The following NEB variants were observed in gnomAD, a reference collection of about 807,000 sequenced individuals.
The protein encoded by NEB is nemaline myopathy type 2.
A neutral mutation model predicts 952.2 loss-of-function variants in NEB; 512 were observed. The ratio of observed to expected loss-of-function variants is 0.54; its 90% CI spans 0.50 to 0.58. The LOEUF is 0.58. Ranked by LOEUF, NEB falls within the 20% of genes least tolerant of loss-of-function variation. The pLI is 0.00. For synonymous variants in NEB, 2,900 were observed against 3,149.8 expected, an observed-to-expected ratio of 0.92 and a Z score of 2.66; for missense variants, 8,428 against 9,231.1, an observed-to-expected ratio of 0.91 and a Z score of 3.56.
chr2:151,668,394 T>G (rs989951509), intron 39 of NEB, among the ~76,000 whole-genome samples: 1 of 152,152 alleles, frequency 6.6e-6, no homozygotes, highest in Non-Finnish European at 1.5e-5. Context: ...ATCTTTCCCC[T>G]TAATGAAACA....
At chr2:151,652,757 A>G (rs2099044666) in intron 52 of NEB, among the ~76,000 whole-genome samples, 1 of 152,246 alleles carries the variant, frequency 6.6e-6, no homozygotes, top group South Asian at 2.1e-4. Flanking sequence ...AAGTTCACTT[A>G]TAGTTCATTT....
intron 68 of NEB, among the ~76,000 whole-genome samples, chr2:151,628,686 CA>C (rs1176218850): frequency 1.3e-5 from 2 of 151,660 alleles, no homozygotes; most frequent in Non-Finnish European, 2.9e-5. Context: ...ACTAAAAATA[CA>C]AAAAATACTA....
chr2:151,497,393 T>A lies in NEB; in HGVS notation c.24300+233A>T, dbSNP rs969016551. On this transcript the variant is annotated intron_variant, in intron 171 of 181. Coordinates refer to ENST00000397345, the MANE Select transcript of NEB (RefSeq NM_001164508.2). ...ACACAAACTGAAAAACTCATTATTT[T>A]AAAAAAAAGATTGAAAATACCAGAT... The A allele has an allele frequency of 1.1e-4, 110 of 978,640 alleles. 1 individual carries two copies. The highest frequency in any genetic ancestry group is 1.1e-3 in the Middle Eastern group (2 of 1,904). 60.6% of individuals were successfully genotyped at this position (978,640 alleles called of 1,614,324 possible). A position where few individuals can be genotyped will look rare whatever the true frequency, so the allele number is the denominator to read the frequency against.
At chr2:151,674,454 C>T (rs529738646) in intron 36 of NEB, 23 bp downstream of exon 36, 2 of 1,586,900 alleles carry the variant, frequency 1.3e-6, no homozygotes, top group East Asian at 2.2e-5. Context: ...AACACCTAAA[C>T]TTCACCTAAA....
chr2:151,653,140 A>G (rs1244097686), intron 52 of NEB, among the ~76,000 whole-genome samples: 2 of 152,184 alleles, frequency 1.3e-5, no homozygotes, highest in Non-Finnish European at 2.9e-5. Flanking sequence ...CAACCTGCCT[A>G]TTAACCAAAT....
intron 3 of NEB, among the ~76,000 whole-genome samples, chr2:151,730,239 T>C (rs1016211821): frequency 2.6e-5 from 4 of 152,170 alleles, no homozygotes; most frequent in Admixed American, 2.0e-4. Flanking sequence ...ATAGTGTGAT[T>C]GTCCTAAACA....
intron 165 of NEB, among the ~76,000 whole-genome samples, chr2:151,503,713 A>G (rs916673775): frequency 6.6e-5 from 10 of 152,226 alleles, no homozygotes; most frequent in Admixed American, 2.0e-4. Context: ...TAAATTTACC[A>G]ATGAGAAAAA....
At chr2:151,634,865 T>C (rs2098727103) in intron 64 of NEB, among the ~76,000 whole-genome samples, 2 of 152,182 alleles carry the variant, frequency 1.3e-5, no homozygotes, top group Admixed American at 6.5e-5. Flanking sequence ...AATAAGGTCA[T>C]GGGTTCTAGC....
chr2:151,560,274 T>G (rs1380141938), intron 124 of NEB, among the ~76,000 whole-genome samples: 1 of 152,204 alleles, frequency 6.6e-6, no homozygotes, highest in African/African-American at 2.4e-5. Flanking sequence ...AAAGTCTATT[T>G]CTGTAAGGTG....
At chr2:151,500,479 A>G (rs937553458) in intron 168 of NEB, among the ~76,000 whole-genome samples, 111 of 152,194 alleles carry the variant, frequency 7.3e-4, no homozygotes, top group African/African-American at 2.6e-3. Context: ...AAAAGATAAC[A>G]TTAAATATAA....
At position 151,570,244 on chromosome 2, in the gene NEB, G is replaced by A; in HGVS notation, c.17267C>T (p.Ala5756Val). 6.2e-7 allele frequency: 1 copy of A among 1,613,756 alleles called. No individual in the cohort carries two copies. Among genetic ancestry groups the A allele is most frequent in the Middle Eastern group, 1.6e-4 (1 of 6,062 alleles). Residue 5756 changes from alanine (A) to valine (V), a missense_variant, in exon 109 of 182, where the codon GCC (alanine) becomes GTC (valine). Ala to Val is a moderately conservative substitution (Grantham distance 64, BLOSUM62 0). Coordinates refer to ENST00000397345, the MANE Select transcript of NEB (RefSeq NM_001164508.2). ...CATGTCCACAGGGCTCTGGATCTTG[G>A]CCTTCCATTTGGCCCAGTCCAGCCG... ...EYRLDWAKWKAKIQSPVDMLS... is the reference protein window; with the variant it reads ...EYRLDWAKWKVKIQSPVDMLS...
At chr2:151,562,052 C>A in intron 121 of NEB, 58 bp downstream of exon 121, 1 of 1,383,896 alleles carries the variant, frequency 7.2e-7, no homozygotes, top group Non-Finnish European at 1.0e-6. Flanking sequence ...AGCCCACTGA[C>A]ACCACCATGG....
At chr2:151,704,850 G>A (rs2099698409) in intron 13 of NEB, among the ~76,000 whole-genome samples, 1 of 152,174 alleles carries the variant, frequency 6.6e-6, no homozygotes, top group African/African-American at 2.4e-5. Flanking sequence ...GGGAGCTGTA[G>A]ACCGGAGCTG....
chr2:151,561,526 G>T (rs1474053673), intron 121 of NEB, among the ~76,000 whole-genome samples: 2 of 148,500 alleles, frequency 1.3e-5, no homozygotes, highest in Non-Finnish European at 3.0e-5. Flanking sequence ...TGGCCATTTT[G>T]TTGCCTTTTC....
Position 151,490,356 on chromosome 2 carries a change from C to T in NEB, c.25297+16G>A, listed in dbSNP as rs1258470846. The T allele has an allele frequency of 8.8e-6, 14 of 1,583,008 alleles. No homozygotes were observed. Among genetic ancestry groups the T allele is most frequent in the East Asian group, 4.6e-5 (2 of 43,084 alleles). On this transcript the variant is annotated intron_variant, in intron 180 of 181. Coordinates refer to ENST00000397345, the MANE Select transcript of NEB (RefSeq NM_001164508.2). ...GGCCGGGTGGGACTGCCAAAATCAG[C>T]GCCAGGCACTTGTACCTGTTGAGAC...
chr2:151,502,927 G>A (rs762332636), intron 166 of NEB, 42 bp from the exon 167 acceptor site: 4 of 1,225,932 alleles, frequency 3.3e-6, no homozygotes, highest in Non-Finnish European at 4.7e-6. Context: ...TTTAAAACAG[G>A]CACAGAGAGT....
Position 151,618,391 on chromosome 2 carries a change from C to T in NEB, c.10960G>A (p.Gly3654Arg), listed in dbSNP as rs754341838. 21 of 1,613,790 alleles carry T rather than the reference C, an allele frequency of 1.3e-5. No homozygotes were observed. The African/African-American group carries it at 2.7e-4, about 21-fold the overall frequency. The change falls in exon 74 of 182, where the codon GGA (glycine) becomes AGA (arginine). Residue 3654 changes from glycine to arginine, a missense_variant. Physicochemically the swap from Gly to Arg is moderately radical, Grantham distance 125. Transcript: ENST00000397345. Reference protein sequence around the residue: ...SLEVVRAKRAGELLSDTIYRQ... With the variant: ...SLEVVRAKRARELLSDTIYRQ... ...TAGATAGTATCACTAAGTAATTCTC[C>T]AGCTCTCTTGGCCCTAACAACTTCC...
chr2:151,510,829 A>G (rs1422914058), intron 161 of NEB, among the ~76,000 whole-genome samples: 1 of 152,214 alleles, frequency 6.6e-6, no homozygotes, highest in African/African-American at 2.4e-5. Flanking sequence ...ACTACTGTAT[A>G]GTATCCTAAA....
At position 151,494,220 on chromosome 2, in the gene NEB, C is replaced by T. The variant is rs199937246; in HGVS notation, c.24520G>A (p.Ala8174Thr). 280 of 1,605,450 alleles carry T rather than the reference C, an allele frequency of 1.7e-4. No homozygotes were observed. The Middle Eastern group carries it at 1.8e-3, about 10-fold the overall frequency. ...TGCATCTCAGGAGTGACAGGGGTTGCGGTGGCTTTCCCCACATTTTCTTTG... is the reference window on the plus strand; with the variant it reads ...TGCATCTCAGGAGTGACAGGGGTTGTGGTGGCTTTCCCCACATTTTCTTTG... ...LYKENVGKAT[A>T]TPVTPEMQRV... The change falls in exon 174 of 182, where the codon GCA (alanine) becomes ACA (threonine). Residue 8174 changes from alanine (A) to threonine (T), a missense_variant. By Grantham distance (58) the Ala-to-Thr change is moderately conservative (BLOSUM62 0). This residue lies in a region of NEB where 3,374 missense variants were observed against 3,651.5 expected (regional missense o/e 0.92). Transcript: ENST00000397345.
Sources: allele counts gnomAD v4.1 joint callset (sites outside exome capture counted in the v4.1 genomes callset), GRCh38; gene constraint gnomAD v4.1.1; regional missense constraint gnomAD v4.1.1; transcripts MANE v1.5; gene names NCBI Gene and HGNC (gene_info 2026-07-23, HGNC 2026-07-21).